MLKL: variants seen among roughly 807,000 people sequenced by gnomAD.
MLKL encodes the protein mixed lineage kinase domain like pseudokinase, also known as mixed lineage kinase domain-like protein.
MLKL carries 55 observed loss-of-function variants against 56.5 expected under a neutral mutation model. The ratio of observed to expected loss-of-function variants is 0.97; its 90% confidence interval spans 0.78 to 1.22. MLKL has a LOEUF of 1.22. MLKL is among the 50% of genes most tolerant of loss of function. MLKL has a pLI of 0.00. For synonymous variants in MLKL, 251 were observed against 208.3 expected (o/e 1.20, Z -1.76); for missense variants, 694 against 573.9 (o/e 1.21, Z -2.14).
rs201119656 is a variant in MLKL at position 74,699,130 on chromosome 16, C to CA, written c.-3+1322dup. Among the ~76,000 whole-genome samples the CA allele has an allele frequency of 7.7e-3, 1,147 of 149,116 alleles. 13 individuals carry two copies. The highest frequency in any genetic ancestry group is 0.025 in the African/African-American group (1,006 of 40,630). On this transcript the variant is annotated intron_variant, in intron 1 of 10. Transcript: ENST00000308807. ...TCCGTCTCAAAAACAAAAACAAAAA[C>CA]AAAAAAAAAGAAAGAAAGAAAATTG...
intron 2 of MLKL, among the ~76,000 whole-genome samples, chr16:74,693,477 A>AAAAGAAAGAAAGAAAGAAAGAAAG (rs373622678): frequency 3.2e-5 from 4 of 124,606 alleles, no homozygotes; most frequent in Non-Finnish European, 6.5e-5. Flanking sequence ...AAGAAAAGAA[A>AAAAGAAAGAAAGAAAGAAAGAAAG]AAAGAAAGAA....
chr16:74,692,213 G>C, intron 3 of MLKL, 129 bp downstream of exon 3: 1 of 799,592 alleles, frequency 1.3e-6, no homozygotes, highest in South Asian at 1.7e-5. Flanking sequence ...CCCCAAACCT[G>C]TGGGCTGCTT....
At chr16:74,673,316 C>T (rs1206064491) in intron 10 of MLKL, among the ~76,000 whole-genome samples, 2 of 152,148 alleles carry the variant, frequency 1.3e-5, no homozygotes, top group Admixed American at 1.3e-4. Context: ...CTCTGGGGTT[C>T]AAGCAATTCT....
chr16:74,690,056 T>A (rs1960573704), intron 4 of MLKL, among the ~76,000 whole-genome samples: 1 of 151,834 alleles, frequency 6.6e-6, no homozygotes, highest in Non-Finnish European at 1.5e-5. Context: ...TATACAAAGA[T>A]TTACAAACAG....
At chr16:74,675,524 T>G in intron 8 of MLKL, 89 bp downstream of exon 8, 1 of 1,569,482 alleles carries the variant, frequency 6.4e-7, no homozygotes, top group Non-Finnish European at 8.6e-7. Flanking sequence ...TTCAACAGAG[T>G]TGAGTTTAGG....
chr16:74,695,444 A>C lies in MLKL; in HGVS notation c.314T>G (p.Leu105Arg). ...CGAGAGCTCCTTCCAGACATCACTC[A>C]GCTTCCTGTTCACGTCCTTGAAGAG... ...KILFKDVNRK[L>R]SDVWKELSLL... Residue 105 changes from leucine to arginine, a missense_variant, in exon 2 of 11, where the codon CTG (leucine) becomes CGG (arginine). Physicochemically the swap from Leu to Arg is moderately radical, Grantham distance 102. Transcript: ENST00000308807. 6.2e-7 allele frequency: 1 copy of C among 1,614,186 alleles called. No homozygotes were observed. The highest frequency in any genetic ancestry group is 8.5e-7 in the Non-Finnish European group (1 of 1,180,048).
rs188563539 is a variant in MLKL, at chr16:74,681,602, G to C, written c.956+1049C>G. On this transcript the variant is annotated intron_variant, in intron 6 of 10. Coordinates refer to ENST00000308807, the MANE Select transcript of MLKL (RefSeq NM_152649.4). ...AGGTCAGGAGATCGATACCATCCTG[G>C]CTAACATGGTGAAACCCCGTCTCTA... Among the ~76,000 whole-genome samples, 54 of 151,736 alleles carry C rather than the reference G, an allele frequency of 3.6e-4. No homozygotes were observed. In the East Asian group the frequency reaches 8.3e-3, roughly 23 times the overall value.
chr16:74,698,628 T>C (rs1452195133), intron 1 of MLKL, among the ~76,000 whole-genome samples: 2 of 152,146 alleles, frequency 1.3e-5, no homozygotes, highest in East Asian at 3.8e-4. Context: ...CAGAAGCAAA[T>C]GTGGCAATGT....
At chr16:74,687,665 C>T (rs528838779) in intron 4 of MLKL, among the ~76,000 whole-genome samples, 29 of 152,052 alleles carry the variant, frequency 1.9e-4, no homozygotes, top group African/African-American at 7.0e-4. Context: ...CATATAAAGC[C>T]AGTTGATTTT....
chr16:74,675,210 G>GA, intron 9 of MLKL, 110 bp from the exon 10 acceptor site: 1 of 1,555,386 alleles, frequency 6.4e-7, no homozygotes, highest in East Asian at 2.2e-5. Flanking sequence ...GAAACAACAA[G>GA]AACTTCCAAC....
chr16:74,684,763 C>T (rs1960226337), intron 5 of MLKL, among the ~76,000 whole-genome samples: 1 of 152,004 alleles, frequency 6.6e-6, no homozygotes, highest in African/African-American at 2.4e-5. Flanking sequence ...CTAAGTGCTG[C>T]TGAGCCACAG....
chr16:74,687,310 G>T (rs553828077), intron 4 of MLKL, among the ~76,000 whole-genome samples: 2 of 151,930 alleles, frequency 1.3e-5, no homozygotes, highest in African/African-American at 4.8e-5. Flanking sequence ...ATGGAAACAC[G>T]TCCCATGTTC....
At chr16:74,673,969 A>C (rs977157501) in intron 10 of MLKL, among the ~76,000 whole-genome samples, 3 of 151,110 alleles carry the variant, frequency 2.0e-5, no homozygotes, top group African/African-American at 4.9e-5. Flanking sequence ...AAAAAAAAAA[A>C]AAACCATAAA....
chr16:74,699,609 G>C (rs1833847429), intron 1 of MLKL, among the ~76,000 whole-genome samples: 1 of 152,112 alleles, frequency 6.6e-6, no homozygotes, highest in South Asian at 2.1e-4. Context: ...GTTCACTGCA[G>C]TGCTATTTAT....
At position 74,675,604 on chromosome 16, in the gene MLKL, T is replaced by A; in HGVS notation, c.1190+9A>T. On this transcript the variant is annotated intron_variant, in intron 8 of 10. Coordinates refer to ENST00000308807, the MANE Select transcript of MLKL (RefSeq NM_152649.4). The stretch of plus-strand genomic sequence containing the variant: ...CTGAGTTAGAATCTGTACCAGAACG[T>A]GAGTGTACCTGTATATTTCAGACTT... 2.5e-6 allele frequency: 4 copies of A among 1,610,908 alleles called. No individual in the cohort carries two copies. The highest frequency in any genetic ancestry group is 3.4e-6 in the Non-Finnish European group (4 of 1,178,996).
chr16:74,688,597 C>G (rs1960477798), intron 4 of MLKL, among the ~76,000 whole-genome samples: 3 of 151,972 alleles, frequency 2.0e-5, no homozygotes, highest in Admixed American at 2.0e-4. Context: ...GCCTGTAGTT[C>G]CAGCTACTCG....
Position 74,691,379 on chromosome 16 carries a change from A to T in MLKL, c.620T>A (p.Ile207Asn). 1 of 1,614,104 alleles carries T rather than the reference A, an allele frequency of 6.2e-7. No homozygotes were observed. Among genetic ancestry groups the T allele is most frequent in the Non-Finnish European group, 8.5e-7 (1 of 1,180,012 alleles). ...GCTGACTTCATTTTCCCTTAGCAGA[A>T]TCCACGGGGATCCTGAAAGCTGCTC... ...KKEQLSGSPW[I>N]LLRENEVSTL... Residue 207 changes from isoleucine to asparagine, a missense_variant, in exon 4 of 11, where the codon ATT (isoleucine) becomes AAT (asparagine). Coordinates refer to ENST00000308807, the MANE Select transcript of MLKL (RefSeq NM_152649.4).
rs370069495 is a variant in MLKL at position 74,675,048 on chromosome 16, C to T, written c.1293G>A (p.Glu431=). The change falls in exon 10 of 11, where the codon GAG becomes GAA. Residue 431 remains glutamate (E), a synonymous_variant. Coordinates refer to ENST00000308807, the MANE Select transcript of MLKL (RefSeq NM_152649.4). ...RKLVAVKRQQ[E]PLGEDCPSEL... Reference sequence around the variant, plus strand: ...CTGAAGGGCAGTCTTCACCCAGTGGCTCCTGCTGCCGCTTCACAGCCACCA... The same window carrying T: ...CTGAAGGGCAGTCTTCACCCAGTGGTTCCTGCTGCCGCTTCACAGCCACCA... 9 of 1,614,080 alleles carry T rather than the reference C, an allele frequency of 5.6e-6. No homozygotes were observed. In the African/African-American group the frequency reaches 1.2e-4, roughly 22 times the overall value.
chr16:74,689,515 A>G lies in MLKL; in HGVS notation c.722+1762T>C, dbSNP rs547773875. ...TAAAACTGTTAAAAATACAGTCTCAATGAAAATCTTGATGTGTATTTTGAG... is the reference window on the plus strand; with the variant it reads ...TAAAACTGTTAAAAATACAGTCTCAGTGAAAATCTTGATGTGTATTTTGAG... On this transcript the variant is annotated intron_variant, in intron 4 of 10. Transcript: ENST00000308807. Among the ~76,000 whole-genome samples, 10 of 152,360 alleles carry G rather than the reference A, an allele frequency of 6.6e-5. No individual in the cohort carries two copies. In the South Asian group the frequency reaches 1.9e-3, roughly 28 times the overall value.
Sources: allele counts gnomAD v4.1 joint callset (sites outside exome capture counted in the v4.1 genomes callset), GRCh38; gene constraint gnomAD v4.1.1; transcripts MANE v1.5; gene names NCBI Gene and HGNC (gene_info 2026-07-23, HGNC 2026-07-21).